MAP2K5: variants seen among roughly 807,000 people sequenced by gnomAD.
MAP2K5 encodes the protein dual specificity mitogen-activated protein kinase kinase 5.
A neutral mutation model predicts 83.1 loss-of-function variants in MAP2K5; 49 were observed. The observed-to-expected ratio is 0.59, with a 90% CI of 0.47 to 0.75. MAP2K5 has a LOEUF of 0.75. Among genes scored for constraint, MAP2K5 ranks in the 30% least tolerant of loss-of-function variants. The pLI is 0.00. For missense variants in MAP2K5, 457 were observed against 557.5 expected (o/e 0.82, Z 1.82); for synonymous variants, 202 against 191.8 (o/e 1.05, Z -0.44).
chr15:67,609,783 G>A (rs1302526975), intron 8 of MAP2K5, among the ~76,000 whole-genome samples: 18 of 151,938 alleles, frequency 1.2e-4, no homozygotes, highest in Admixed American at 1.2e-3. Context: ...TGCTGTTTGA[G>A]CTGAGACCTA....
At chr15:67,669,073 A>G (rs1361294636) in intron 13 of MAP2K5, among the ~76,000 whole-genome samples, 1 of 152,110 alleles carries the variant, frequency 6.6e-6, no homozygotes, top group Non-Finnish European at 1.5e-5. Context: ...CAGACTTTCC[A>G]ATTAGTGCTA....
At chr15:67,632,343 T>A (rs1193914216) in intron 9 of MAP2K5, among the ~76,000 whole-genome samples, 2 of 152,144 alleles carry the variant, frequency 1.3e-5, no homozygotes, top group Non-Finnish European at 2.9e-5. Context: ...TAAGCGATCC[T>A]CCTGTCTCAG....
At chr15:67,606,242 A>T (rs941163840) in intron 8 of MAP2K5, among the ~76,000 whole-genome samples, 3 of 152,122 alleles carry the variant, frequency 2.0e-5, no homozygotes, top group Non-Finnish European at 4.4e-5. Context: ...TATCTTTTAT[A>T]TTATTTTTTC....
chr15:67,774,047 G>A lies in MAP2K5; in HGVS notation c.1242+1295G>A, dbSNP rs965595210. Reference sequence around the variant, plus strand: ...TAAAACATCTGCAGATCACACATACGCCCATAAATGTATATGGATGTATAT... The same window carrying A: ...TAAAACATCTGCAGATCACACATACACCCATAAATGTATATGGATGTATAT... On this transcript the variant is annotated intron_variant, in intron 21 of 21. Coordinates refer to ENST00000178640, the MANE Select transcript of MAP2K5 (RefSeq NM_145160.3). This position sits in a 1 kb window ranked among gnomAD's most constrained non-coding sequence, Gnocchi z 4.9. Among the ~76,000 whole-genome samples the A allele has an allele frequency of 3.3e-5, 5 of 152,044 alleles. No homozygotes were observed. The South Asian group carries it at 6.2e-4, about 19-fold the overall frequency.
chr15:67,585,627 A>G (rs1221552631), intron 4 of MAP2K5: 1 of 426,500 alleles, frequency 2.3e-6, no homozygotes, highest in African/African-American at 2.0e-5. Flanking sequence ...ATTTTAGCTC[A>G]GTTAACTTGA....
At chr15:67,727,112 A>G (rs2089113711) in intron 16 of MAP2K5, among the ~76,000 whole-genome samples, 1 of 152,172 alleles carries the variant, frequency 6.6e-6, no homozygotes, top group Non-Finnish European at 1.5e-5. Context: ...AGACAAGAGA[A>G]TCACTTGAAC....
At chr15:67,608,130 T>C (rs1878700) in intron 8 of MAP2K5, among the ~76,000 whole-genome samples, 126,819 of 152,154 alleles carry the variant, frequency 0.83, 53,702 homozygotes, top group Middle Eastern at 0.93. Flanking sequence ...AGCGCACTTC[T>C]GTGTTGTAGG....
Position 67,781,164 on chromosome 15 carries a change from G to A in MAP2K5, c.1242+8412G>A, listed in dbSNP as rs1302767990. Among the ~76,000 whole-genome samples the A allele has an allele frequency of 3.3e-5, 5 of 152,222 alleles. No homozygotes were observed. The highest frequency in any genetic ancestry group is 9.6e-5 in the African/African-American group (4 of 41,458). On this transcript the variant is annotated intron_variant, in intron 21 of 21. Coordinates refer to ENST00000178640, the MANE Select transcript of MAP2K5 (RefSeq NM_145160.3). This position sits in a 1 kb window ranked among gnomAD's most constrained non-coding sequence, Gnocchi z 4.0. ...GGGAGAAATATAAAAGGATCCTAAA[G>A]CTAGTCCCTGGGATTTGGGAATTGC... is the stretch of plus-strand genomic sequence containing the variant.
At chr15:67,589,006 A>T (rs1233719565) in intron 6 of MAP2K5, among the ~76,000 whole-genome samples, 3 of 151,402 alleles carry the variant, frequency 2.0e-5, no homozygotes, top group South Asian at 2.1e-4. Context: ...ATTTTTTTAA[A>T]TTTTTTTAAT....
rs749614221 is a variant in MAP2K5, at chr15:67,786,804, T to C, written c.1242+14052T>C. Among the ~76,000 whole-genome samples, 46 of 152,306 alleles carry C rather than the reference T, an allele frequency of 3.0e-4. No individual in the cohort carries two copies. The highest frequency in any genetic ancestry group is 3.4e-3 in the Middle Eastern group (1 of 294). ...GCATGAAATTTAAGTGAGATAAAAATGTTAGACACTTAGCACAGTGTCTGG... is the reference window on the plus strand; with the variant it reads ...GCATGAAATTTAAGTGAGATAAAAACGTTAGACACTTAGCACAGTGTCTGG... On this transcript the variant is annotated intron_variant, in intron 21 of 21. Transcript: ENST00000178640. This position sits in a 1 kb window ranked among gnomAD's most constrained non-coding sequence, Gnocchi z 4.7.
chr15:67,592,260 A>C (rs1300485187), intron 6 of MAP2K5, among the ~76,000 whole-genome samples: 1 of 152,184 alleles, frequency 6.6e-6, no homozygotes, highest in Non-Finnish European at 1.5e-5. Context: ...AAACCAGCTA[A>C]AATTTATTAA....
intron 21 of MAP2K5, among the ~76,000 whole-genome samples, chr15:67,784,676 G>A (rs2090386775): frequency 6.6e-6 from 1 of 152,204 alleles, no homozygotes; most frequent in Non-Finnish European, 1.5e-5. Context: ...TTATCTGAGG[G>A]GAAGCTGTGA....
intron 17 of MAP2K5, among the ~76,000 whole-genome samples, chr15:67,731,796 G>T (rs901759396): frequency 6.6e-6 from 1 of 152,124 alleles, no homozygotes; most frequent in Non-Finnish European, 1.5e-5. Context: ...TTCTTAATTC[G>T]TTTGGCTATT....
rs908185346 is a variant in MAP2K5 at position 67,702,632 on chromosome 15, T to G, written c.973-705T>G. 6.6e-6 allele frequency among the ~76,000 whole-genome samples: 1 copy of G among 152,236 alleles called. No homozygotes were observed. The highest frequency in any genetic ancestry group is 1.5e-5 in the Non-Finnish European group (1 of 68,040). ...CATCCACTCAGTATGAAATTATTCC[T>G]TTTGAAGTTGAGAGTGTTTATGTAG... is the stretch of plus-strand genomic sequence containing the variant. On this transcript the variant is annotated intron_variant, in intron 15 of 21. Transcript: ENST00000178640. This position sits in a 1 kb window ranked among gnomAD's most constrained non-coding sequence, Gnocchi z 4.6.
rs558140402 is a variant in MAP2K5 at position 67,573,331 on chromosome 15, T to C, written c.253-7423T>C. Among the ~76,000 whole-genome samples, 4 of 152,238 alleles carry C rather than the reference T, an allele frequency of 2.6e-5. No individual in the cohort carries two copies. The highest frequency in any genetic ancestry group is 9.6e-5 in the African/African-American group (4 of 41,540). On this transcript the variant is annotated intron_variant, in intron 3 of 21. Coordinates refer to ENST00000178640, the MANE Select transcript of MAP2K5 (RefSeq NM_145160.3). The surrounding 1 kb of genome is among the most constrained non-coding windows in gnomAD (Gnocchi z 4.2). Reference sequence around the variant, plus strand: ...GGCTGGGGAGGCCTCAGGAAACTTATAATCATGGCAGAAGACAAAGGGGAA... The same window carrying C: ...GGCTGGGGAGGCCTCAGGAAACTTACAATCATGGCAGAAGACAAAGGGGAA...
rs560666520 is a variant in MAP2K5, at chr15:67,678,552, C to G, written c.847+13907C>G. ...CAAAAGGAAGTAGAAGTTGGAGATA[C>G]CAACAGCACCTGATGTGAATAGGTC... On this transcript the variant is annotated intron_variant, in intron 13 of 21. Coordinates refer to ENST00000178640, the MANE Select transcript of MAP2K5 (RefSeq NM_145160.3). 2.0e-5 allele frequency among the ~76,000 whole-genome samples: 3 copies of G among 152,276 alleles called. No individual in the cohort carries two copies. The East Asian group carries it at 5.8e-4, about 29-fold the overall frequency.
At chr15:67,650,920 A>G (rs536244695) in intron 11 of MAP2K5, among the ~76,000 whole-genome samples, 1 of 152,130 alleles carries the variant, frequency 6.6e-6, no homozygotes, top group Admixed American at 6.6e-5. Flanking sequence ...TTCTTTTTTT[A>G]AAACATTTTA....
intron 21 of MAP2K5, among the ~76,000 whole-genome samples, chr15:67,795,221 C>T (rs2090585057): frequency 6.6e-6 from 1 of 152,138 alleles, no homozygotes; most frequent in African/African-American, 2.4e-5. Context: ...TGATCATCTT[C>T]ATGACATCTT....
intron 11 of MAP2K5, among the ~76,000 whole-genome samples, chr15:67,657,195 C>T (rs1380763047): frequency 1.3e-5 from 2 of 152,092 alleles, no homozygotes; most frequent in African/African-American, 4.8e-5. Flanking sequence ...TTAGGTTTAG[C>T]TTGTTGAAAC....
Sources: gnomAD v4.1 joint callset for allele counts (sites outside exome capture counted in the v4.1 genomes callset) on GRCh38, gnomAD v4.1.1 for gene constraint, Gnocchi (gnomAD v3.1) non-coding constraint, MANE v1.5 for transcripts, NCBI Gene and HGNC (gene_info 2026-07-23, HGNC 2026-07-21) for gene names.